PXDN: variants seen among roughly 807,000 people sequenced by gnomAD.
The protein encoded by PXDN is peroxidasin homolog.
A neutral mutation model predicts 140.3 loss-of-function variants in PXDN; 77 were observed. The ratio of observed to expected loss-of-function variants is 0.55; its 90% CI spans 0.46 to 0.66. PXDN has a LOEUF of 0.66. PXDN is among the 30% of genes least tolerant of loss of function. The pLI is 0.00. For missense variants in PXDN, 1,838 were observed against 2,039.5 expected, an observed-to-expected ratio of 0.90 and a Z score of 1.90; for synonymous variants, 911 against 857.4, an observed-to-expected ratio of 1.06 and a Z score of -1.09.
chr2:1,668,425 T>A (rs542671014), intron 9 of PXDN, among the ~76,000 whole-genome samples: 46 of 152,148 alleles, frequency 3.0e-4, no homozygotes, highest in Middle Eastern at 3.4e-3. Flanking sequence ...CCAAAAGCAA[T>A]TGCAACAAAA....
Position 1,649,171 on chromosome 2 carries a change from C to T in PXDN, c.2609G>A (p.Arg870Lys), listed in dbSNP as rs745369833. 1.9e-6 allele frequency: 3 copies of T among 1,612,300 alleles called. No individual in the cohort carries two copies. Among genetic ancestry groups the T allele is most frequent in the Non-Finnish European group, 2.5e-6 (3 of 1,179,702 alleles). Reference sequence around the variant, plus strand: ...GAAGAACATGCAGCGGGCCCCGCTCCTGGCCCGGGAGTCATTGGGGGGGAT... The same window carrying T: ...GAAGAACATGCAGCGGGCCCCGCTCTTGGCCCGGGAGTCATTGGGGGGGAT... ...VMIPPNDSRA[R>K]SGARCMFFVR... Residue 870 changes from arginine to lysine, a missense_variant, in exon 17 of 23, where the codon AGG (arginine) becomes AAG (lysine). By Grantham distance (26) the Arg-to-Lys change is conservative. Coordinates refer to ENST00000252804, the MANE Select transcript of PXDN (RefSeq NM_012293.3). The surrounding 1 kb of genome is among the most constrained non-coding windows in gnomAD (Gnocchi z 7.1).
At chr2:1,678,238 G>A (rs1219356669) in intron 7 of PXDN, among the ~76,000 whole-genome samples, 3 of 151,952 alleles carry the variant, frequency 2.0e-5, no homozygotes, top group Non-Finnish European at 2.9e-5. Flanking sequence ...CACACTCCCC[G>A]ATTCCCTCTC....
intron 8 of PXDN, among the ~76,000 whole-genome samples, chr2:1,674,981 C>T (rs374789856): frequency 3.9e-5 from 6 of 152,176 alleles, no homozygotes; most frequent in East Asian, 1.9e-4. Context: ...AACCTGCCAG[C>T]GCGCAGCCAA....
chr2:1,712,709 C>T (rs4853844), intron 1 of PXDN, among the ~76,000 whole-genome samples: 2 of 152,084 alleles, frequency 1.3e-5, no homozygotes, highest in Non-Finnish European at 2.9e-5. Flanking sequence ...GCAGGGAAAC[C>T]GTTATTCTTA....
At position 1,661,004 on chromosome 2, in the gene PXDN, G is replaced by C; in HGVS notation, c.1714C>G (p.His572Asp). The change falls in exon 14 of 23, where the codon CAC (histidine) becomes GAC (aspartate). Residue 572 changes from histidine to aspartate, a missense_variant. Around this residue, in one of 5 missense-constraint regions of PXDN, gnomAD observed 537 missense variants for 583.9 expected, o/e 0.92. Coordinates refer to ENST00000252804, the MANE Select transcript of PXDN (RefSeq NM_012293.3). ...GVQVTESGKF[H>D]ISPEGFLTIN... The stretch of plus-strand genomic sequence containing the variant: ...GTCAAGAATCCTTCAGGGCTGATGT[G>C]AAATTTTCCACTTTCTGTCACCTGA... 6.2e-7 allele frequency: 1 copy of C among 1,613,964 alleles called. No individual in the cohort carries two copies. Among genetic ancestry groups the C allele is most frequent in the Admixed American group, 1.7e-5 (1 of 60,020 alleles).
chr2:1,673,498 A>C, intron 9 of PXDN, 145 bp downstream of exon 9: 1 of 1,126,940 alleles, frequency 8.9e-7, no homozygotes, highest in Non-Finnish European at 1.3e-6. Context: ...GCGCTTAGAA[A>C]GCTTTCTGAG....
At chr2:1,666,126 G>A in intron 10 of PXDN, 88 bp downstream of exon 10, 3 of 1,512,652 alleles carry the variant, frequency 2.0e-6, no homozygotes, top group Non-Finnish European at 2.7e-6. Flanking sequence ...AAGATTCTAT[G>A]GAGCGTCTGT....
At chr2:1,665,881 C>A (rs1173158375) in intron 10 of PXDN, among the ~76,000 whole-genome samples, 1 of 152,166 alleles carries the variant, frequency 6.6e-6, no homozygotes, top group East Asian at 1.9e-4. Flanking sequence ...TATCAACCAC[C>A]TTACTGCACA....
chr2:1,674,060 T>C (rs1185562067), intron 8 of PXDN, among the ~76,000 whole-genome samples: 3 of 152,228 alleles, frequency 2.0e-5, no homozygotes, highest in East Asian at 3.9e-4. Context: ...TCTATCTACA[T>C]GTTTTAAAGT....
At chr2:1,739,925 T>C (rs772780251) in intron 1 of PXDN, among the ~76,000 whole-genome samples, 3 of 152,270 alleles carry the variant, frequency 2.0e-5, no homozygotes, top group Non-Finnish European at 2.9e-5. Context: ...CCAACAAACA[T>C]GAGCATCATC....
intron 13 of PXDN, among the ~76,000 whole-genome samples, chr2:1,661,342 G>A (rs1430564274): frequency 1.3e-5 from 2 of 152,176 alleles, no homozygotes; most frequent in Admixed American, 6.5e-5. Context: ...TTAGACACCC[G>A]CTATGGTGGG....
intron 11 of PXDN, 30 bp from the exon 12 acceptor site, chr2:1,663,793 C>T (rs1172418235): frequency 1.2e-6 from 2 of 1,601,800 alleles, no homozygotes; most frequent in South Asian, 1.1e-5. Context: ...TTACACTGGA[C>T]ACTCGGACGC....
At position 1,685,370 on chromosome 2, in the gene PXDN, C is replaced by T. The variant is rs1440891999; in HGVS notation, c.417-1219G>A. ...ACGGGCGGGCACCTGACGCGCGGGT[C>T]CCGAGGAAGGCCGAACCCGACAGAA... On this transcript the variant is annotated intron_variant, in intron 4 of 22. Transcript: ENST00000252804. This position sits in a 1 kb window ranked among gnomAD's most constrained non-coding sequence, Gnocchi z 5.1. Among the ~76,000 whole-genome samples, 1 of 152,194 alleles carries T rather than the reference C, an allele frequency of 6.6e-6. No individual in the cohort carries two copies. Among genetic ancestry groups the T allele is most frequent in the African/African-American group, 2.4e-5 (1 of 41,464 alleles).
At chr2:1,702,432 A>G (rs1295064596) in intron 1 of PXDN, among the ~76,000 whole-genome samples, 1 of 152,200 alleles carries the variant, frequency 6.6e-6, no homozygotes, top group Admixed American at 6.5e-5. Context: ...AGAAGAGGAG[A>G]CAGAGGCTGA....
chr2:1,637,497 G>T (rs1429333575), intron 21 of PXDN, among the ~76,000 whole-genome samples: 23 of 151,892 alleles, frequency 1.5e-4, no homozygotes, highest in Admixed American at 6.6e-4. Context: ...AGCTGCTGGG[G>T]GATGTGCACC....
chr2:1,688,368 G>A (rs983802662), intron 3 of PXDN, among the ~76,000 whole-genome samples: 5 of 152,232 alleles, frequency 3.3e-5, no homozygotes, highest in Non-Finnish European at 7.3e-5. Context: ...CTGGGGCTGC[G>A]CTGGCGCTGT....
intron 1 of PXDN, among the ~76,000 whole-genome samples, chr2:1,738,429 TTGCATC>T (rs1459538472): frequency 6.6e-6 from 1 of 152,174 alleles, no homozygotes; most frequent in African/African-American, 2.4e-5. Flanking sequence ...CTGCATGCAT[TTGCATC>T]TATTTTAGCT....
At chr2:1,677,723 G>A (rs189368428) in intron 7 of PXDN, among the ~76,000 whole-genome samples, 3 of 152,280 alleles carry the variant, frequency 2.0e-5, no homozygotes, top group Admixed American at 6.5e-5. Flanking sequence ...CACAGGGAGC[G>A]GCCTTCTCTA....
chr2:1,711,947 G>C (rs191258352), intron 1 of PXDN, among the ~76,000 whole-genome samples: 1 of 152,262 alleles, frequency 6.6e-6, no homozygotes, highest in Admixed American at 6.5e-5. Context: ...CTCAACCAGC[G>C]GCTCCCATCT....
Sources: allele counts gnomAD v4.1 joint callset (sites outside exome capture counted in the v4.1 genomes callset), GRCh38; gene constraint gnomAD v4.1.1; regional missense constraint gnomAD v4.1.1; non-coding constraint Gnocchi (gnomAD v3.1); transcripts MANE v1.5; gene names NCBI Gene and HGNC (gene_info 2026-07-23, HGNC 2026-07-21).